Variants in PDLIM5 observed in about 807,000 individuals in gnomAD.
The protein encoded by PDLIM5 is PDZ and LIM domain protein 5.
PDLIM5 carries 34 observed loss-of-function variants against 64.2 expected under a neutral mutation model. The observed-to-expected ratio is 0.53, with a 90% CI of 0.40 to 0.71. The LOEUF (loss-of-function observed/expected upper bound fraction) is 0.71. PDLIM5 is among the 30% of genes least tolerant of loss of function. PDLIM5 has a pLI of 0.00. For synonymous variants in PDLIM5, 253 were observed against 269.1 expected (o/e 0.94, Z 0.59); for missense variants, 683 against 733.6 (o/e 0.93, Z 0.80).
At chr4:94,640,482 A>G (rs1352353493) in intron 9 of PDLIM5, 32 bp downstream of exon 9, 2 of 1,345,318 alleles carry the variant, frequency 1.5e-6, no homozygotes, top group Admixed American at 2.3e-5. Flanking sequence ...TCTTGAAAGT[A>G]CTTAATATCA....
At chr4:94,621,366 T>G (rs1177417842) in intron 8 of PDLIM5, among the ~76,000 whole-genome samples, 1 of 152,174 alleles carries the variant, frequency 6.6e-6, no homozygotes, top group Non-Finnish European at 1.5e-5. Flanking sequence ...TTATTTCTAT[T>G]TATTTAAAGC....
chr4:94,486,335 G>T (rs1203439824), intron 2 of PDLIM5, among the ~76,000 whole-genome samples: 1 of 152,118 alleles, frequency 6.6e-6, no homozygotes, highest in Non-Finnish European at 1.5e-5. Context: ...TAAGTTTCAG[G>T]AGATAAGAGA....
At position 94,456,628 on chromosome 4, in the gene PDLIM5, A is replaced by T. The variant is rs1723398162; in HGVS notation, c.96+1244A>T. The T allele has an allele frequency of 7.4e-6, 6 of 813,296 alleles. No homozygotes were observed. The South Asian group carries it at 9.8e-5, about 13-fold the overall frequency. The allele number at this position is 813,296 out of a possible 1,614,324, so 50.4% of individuals were successfully genotyped here. ...TTATTTTATAAGGAAAGTGACATTTAACCAATCCCCTACTGAAGAGTATTT... is the reference window on the plus strand; with the variant it reads ...TTATTTTATAAGGAAAGTGACATTTTACCAATCCCCTACTGAAGAGTATTT... On this transcript the variant is annotated intron_variant, in intron 2 of 12. Transcript: ENST00000317968.
rs796721883 is a variant in PDLIM5, at chr4:94,659,482, ATATATGTGTG to A, written c.1585+1939_1585+1948del. On this transcript the variant is annotated intron_variant, in intron 11 of 12. Coordinates refer to ENST00000317968, the MANE Select transcript of PDLIM5 (RefSeq NM_006457.5). ...ACAGCAGGCATAGAGCAGCTGTAGT[ATATATGTGTG>A]TATGTGTGTGTGTGTGTGTGTGTGT... Among the ~76,000 whole-genome samples the A allele has an allele frequency of 8.7e-3, 1,162 of 133,656 alleles. 20 individuals carry two copies. The highest frequency in any genetic ancestry group is 0.03 in the African/African-American group (1,025 of 34,324). The allele number at this position is 133,656 out of a possible 152,430, so 87.7% of individuals were successfully genotyped here.
chr4:94,542,510 C>T (rs1042009250), intron 3 of PDLIM5, among the ~76,000 whole-genome samples: 1 of 152,098 alleles, frequency 6.6e-6, no homozygotes, highest in African/African-American at 2.4e-5. Context: ...AGTGATACAT[C>T]TTACCTTCTA....
At chr4:94,660,789 GT>G (rs1447040150) in intron 11 of PDLIM5, among the ~76,000 whole-genome samples, 1 of 152,176 alleles carries the variant, frequency 6.6e-6, no homozygotes, top group East Asian at 1.9e-4. Context: ...TCCAGCTGAG[GT>G]TGGATTGACA....
chr4:94,588,718 G>A lies in PDLIM5; in HGVS notation c.920+2274G>A, dbSNP rs182949682. Among the ~76,000 whole-genome samples the A allele has an allele frequency of 3.3e-5, 5 of 152,258 alleles. No homozygotes were observed. In the East Asian group the frequency reaches 9.6e-4, roughly 29 times the overall value. ...ATTGTGCAACATAGAATTATTGTTT[G>A]TGTGAAATTACCGCTGAAGGACCTT... On this transcript the variant is annotated intron_variant, in intron 7 of 12. Transcript: ENST00000317968.
At chr4:94,576,229 C>A (rs773252756) in intron 5 of PDLIM5, among the ~76,000 whole-genome samples, 195 bp downstream of exon 5, 1 of 152,188 alleles carries the variant, frequency 6.6e-6, no homozygotes, top group African/African-American at 2.4e-5. Context: ...TATTCAAAAG[C>A]TACTTGTGCA....
chr4:94,649,420 A>G (rs896747781), intron 9 of PDLIM5, among the ~76,000 whole-genome samples: 2 of 152,170 alleles, frequency 1.3e-5, no homozygotes, highest in Non-Finnish European at 2.9e-5. Flanking sequence ...CTGGTCACCT[A>G]TTTAAATTCT....
At chr4:94,613,939 T>TATCC (rs1461971003) in intron 7 of PDLIM5, among the ~76,000 whole-genome samples, 2 of 151,390 alleles carry the variant, frequency 1.3e-5, no homozygotes, top group African/African-American at 4.9e-5. Flanking sequence ...TATAAAATAA[T>TATCC]ATGGCCAGTG....
In PDLIM5 at chr4:94,667,864, G is replaced by C. The variant is rs1057494566; in HGVS notation, c.*3797G>C. On this transcript the variant is annotated 3_prime_UTR_variant, in exon 13 of 13. Coordinates refer to ENST00000317968, the MANE Select transcript of PDLIM5 (RefSeq NM_006457.5). ...TAATTTCTTCTTTACCCCCGTTCCA[G>C]TGTGAATCTAGTATTCTGTTAACAT... is the stretch of plus-strand genomic sequence containing the variant. 6.6e-6 allele frequency: 1 copy of C among 152,104 alleles called. No individual in the cohort carries two copies. Among genetic ancestry groups the C allele is most frequent in the Admixed American group, 6.6e-5 (1 of 15,258 alleles). 9.4% of individuals were successfully genotyped at this position (152,104 alleles called of 1,614,324 possible).
chr4:94,544,344 T>A (rs935325451), intron 3 of PDLIM5, among the ~76,000 whole-genome samples: 1 of 152,180 alleles, frequency 6.6e-6, no homozygotes, highest in African/African-American at 2.4e-5. Context: ...TGGACACATC[T>A]CTTTGGGGGG....
intron 6 of PDLIM5, among the ~76,000 whole-genome samples, chr4:94,586,025 C>T (rs6532491): frequency 0.53 from 80,023 of 151,840 alleles, 21,583 homozygotes; most frequent in African/African-American, 0.61. Context: ...CAAAAATTAT[C>T]TGGGCATCGT....
Position 94,665,902 on chromosome 4 carries a change from G to T in PDLIM5, c.*1835G>T, listed in dbSNP as rs1743057420. 1.4e-6 allele frequency: 2 copies of T among 1,463,126 alleles called. No individual in the cohort carries two copies. Among genetic ancestry groups the T allele is most frequent in the African/African-American group, 2.8e-5 (2 of 70,422 alleles). 90.6% of individuals were successfully genotyped at this position (1,463,126 alleles called of 1,614,324 possible). A position where few individuals can be genotyped will look rare whatever the true frequency, so the allele number is the denominator to read the frequency against. On this transcript the variant is annotated 3_prime_UTR_variant, in exon 13 of 13. Coordinates refer to ENST00000317968, the MANE Select transcript of PDLIM5 (RefSeq NM_006457.5). Reference sequence around the variant, plus strand: ...TATTTGATTTCCTCCTTTGGGAAAAGAATTATGTAGATACCACATGGAGAC... The same window carrying T: ...TATTTGATTTCCTCCTTTGGGAAAATAATTATGTAGATACCACATGGAGAC...
chr4:94,611,234 C>G (rs1030378403), intron 7 of PDLIM5: 2 of 1,512,590 alleles, frequency 1.3e-6, no homozygotes, highest in Non-Finnish European at 1.8e-6. Flanking sequence ...AGTGGTGGTT[C>G]GCTGTTAAGC....
intron 3 of PDLIM5, among the ~76,000 whole-genome samples, chr4:94,551,808 G>A (rs1045249452): frequency 6.6e-6 from 1 of 152,078 alleles, no homozygotes; most frequent in Non-Finnish European, 1.5e-5. Flanking sequence ...CACAACTGAG[G>A]TCATCTCAGA....
intron 7 of PDLIM5, among the ~76,000 whole-genome samples, chr4:94,606,489 G>A (rs1468605519): frequency 6.6e-6 from 1 of 152,138 alleles, no homozygotes; most frequent in Admixed American, 6.6e-5. Context: ...GAGGCCAGGA[G>A]GGGGATAGAA....
At position 94,607,129 on chromosome 4, in the gene PDLIM5, A is replaced by G. The variant is rs1578460822; in HGVS notation, c.921-10875A>G. Among the ~76,000 whole-genome samples the G allele has an allele frequency of 2.0e-5, 3 of 152,154 alleles. No homozygotes were observed. The South Asian group carries it at 6.2e-4, about 31-fold the overall frequency. On this transcript the variant is annotated intron_variant, in intron 7 of 12. Transcript: ENST00000317968. ...TCATGACATTTTTCTTCAACTGTCTACGTTTTTTCAACACTCTGGTAAAGG... is the reference window on the plus strand; with the variant it reads ...TCATGACATTTTTCTTCAACTGTCTGCGTTTTTTCAACACTCTGGTAAAGG...
chr4:94,667,204 G>A lies in PDLIM5; in HGVS notation c.*3137G>A, dbSNP rs753302450. 1 of 152,030 alleles carries A rather than the reference G, an allele frequency of 6.6e-6. No individual in the cohort carries two copies. The highest frequency in any genetic ancestry group is 2.1e-4 in the South Asian group (1 of 4,820). The allele number at this position is 152,030 out of a possible 1,614,324, so 9.4% of individuals were successfully genotyped here. A position where few individuals can be genotyped will look rare whatever the true frequency, so the allele number is the denominator to read the frequency against. On this transcript the variant is annotated 3_prime_UTR_variant, in exon 13 of 13. Transcript: ENST00000317968. Reference sequence around the variant, plus strand: ...TATTTCCCATTTTAAAATTTTTAGCGGTAAGTTCAGATTTATAATCTTTCT... The same window carrying A: ...TATTTCCCATTTTAAAATTTTTAGCAGTAAGTTCAGATTTATAATCTTTCT...
Sources: allele counts gnomAD v4.1 joint callset (sites outside exome capture counted in the v4.1 genomes callset), GRCh38; gene constraint gnomAD v4.1.1; transcripts MANE v1.5; gene names NCBI Gene and HGNC (gene_info 2026-07-23, HGNC 2026-07-21).